The following NSUN2 variants were observed in gnomAD, a reference collection of about 807,000 sequenced individuals.
NSUN2 encodes the protein NOP2/Sun RNA methyltransferase 2, also known as RNA cytosine C(5)-methyltransferase NSUN2.
NSUN2 carries 63 observed loss-of-function variants against 92.7 expected under a neutral mutation model. The observed-to-expected ratio is 0.68, with a 90% CI of 0.56 to 0.84. NSUN2 has a LOEUF of 0.84. Among genes scored for constraint, NSUN2 ranks in the 40% least tolerant of loss-of-function variants. NSUN2 has a pLI of 0.00. For missense variants in NSUN2, 989 were observed against 964.9 expected (o/e 1.02, Z -0.33); for synonymous variants, 356 against 348.3 (o/e 1.02, Z -0.25).
At chr5:6,605,031 C>A (rs907500778) in intron 15 of NSUN2, 2 of 603,846 alleles carry the variant, frequency 3.3e-6, no homozygotes, top group African/African-American at 1.9e-5. Flanking sequence ...CCATGGCTCA[C>A]CCCCCTGCGG....
chr5:6,614,146 G>C (rs1216796368), intron 9 of NSUN2, among the ~76,000 whole-genome samples: 1 of 104,522 alleles, frequency 9.6e-6, no homozygotes, highest in Non-Finnish European at 1.9e-5. Flanking sequence ...CATATAGACA[G>C]ACATAAAGCC....
At position 6,604,354 on chromosome 5, in the gene NSUN2, T is replaced by A. The variant is rs1440824705; in HGVS notation, c.1819-78A>T. ...GACAACAGCCTGCTCTCAGGGGCTA[T>A]GCTCTTAGCGGCTATGGTGGTCGAG... On this transcript the variant is annotated intron_variant, in intron 16 of 18. Coordinates refer to ENST00000264670, the MANE Select transcript of NSUN2 (RefSeq NM_017755.6). 11 of 1,330,872 alleles carry A rather than the reference T, an allele frequency of 8.3e-6. No homozygotes were observed. In the East Asian group the frequency reaches 2.5e-4, roughly 31 times the overall value. 82.4% of individuals were successfully genotyped at this position (1,330,872 alleles called of 1,614,324 possible).
At chr5:6,620,022 A>G (rs1737371308) in intron 7 of NSUN2, 84 bp downstream of exon 7, 2 of 1,181,662 alleles carry the variant, frequency 1.7e-6, no homozygotes, top group Non-Finnish European at 2.4e-6. Flanking sequence ...CAATTGTGTC[A>G]TATTCATGCA....
intron 12 of NSUN2, 115 bp downstream of exon 12, chr5:6,609,711 G>T: frequency 2.6e-6 from 2 of 781,884 alleles, no homozygotes; most frequent in Non-Finnish European, 4.2e-6. Context: ...CAGCTCTCCT[G>T]CTGCCCACAG....
At chr5:6,631,318 T>C (rs1363689037) in intron 3 of NSUN2, among the ~76,000 whole-genome samples, 1 of 152,096 alleles carries the variant, frequency 6.6e-6, no homozygotes, top group African/African-American at 2.4e-5. Context: ...GAGGAATAGG[T>C]AACCCAGAAG....
chr5:6,619,515 T>TA (rs1368218213), intron 7 of NSUN2, among the ~76,000 whole-genome samples: 1 of 152,200 alleles, frequency 6.6e-6, no homozygotes. Context: ...TCTTTCCTTT[T>TA]AAAAAAACTT....
intron 12 of NSUN2, 69 bp downstream of exon 12, chr5:6,609,757 C>T: frequency 7.9e-7 from 1 of 1,261,864 alleles, no homozygotes; most frequent in East Asian, 2.3e-5. Flanking sequence ...TTCTACTAAA[C>T]TCCGGTTAGT....
At chr5:6,617,553 C>T (rs1357203957) in intron 8 of NSUN2, among the ~76,000 whole-genome samples, 1 of 152,024 alleles carries the variant, frequency 6.6e-6, no homozygotes, top group Non-Finnish European at 1.5e-5. Context: ...TGAATAGTTC[C>T]CCATCATAAA....
chr5:6,604,177 T>C lies in NSUN2; in HGVS notation c.1918A>G (p.Lys640Glu), dbSNP rs1477395522. 1.2e-6 allele frequency: 2 copies of C among 1,614,076 alleles called. No homozygotes were observed. Among genetic ancestry groups the C allele is most frequent in the Middle Eastern group, 1.6e-4 (1 of 6,062 alleles). The part of the protein sequence containing the change: ...LLTQENPFFR[K>E]LSSETYSQAK... The stretch of plus-strand genomic sequence containing the variant: ...TGACTGTAGGTCTCACTGCTGAGTT[T>C]TCTAAAAAAGGGATTTTCCTGGGTC... Residue 640 changes from lysine (K) to glutamate (E), a missense_variant, in exon 17 of 19, where the codon AAA becomes GAA. Around this residue, in one of 3 missense-constraint regions of NSUN2, gnomAD observed 626 missense variants for 602.3 expected, o/e 1.04. Coordinates refer to ENST00000264670, the MANE Select transcript of NSUN2 (RefSeq NM_017755.6).
chr5:6,623,332 A>C, intron 4 of NSUN2, 47 bp from the exon 5 acceptor site: 5 of 1,512,246 alleles, frequency 3.3e-6, no homozygotes, highest in Non-Finnish European at 4.5e-6. Context: ...AAAAAAAAAA[A>C]CCGCAGACAA....
intron 18 of NSUN2, among the ~76,000 whole-genome samples, chr5:6,601,586 C>A (rs112779606): frequency 0.049 from 6,978 of 142,586 alleles, 213 homozygotes; most frequent in East Asian, 0.2. Context: ...GGCCTCCCTG[C>A]CAACCTCTTA....
chr5:6,623,468 G>T (rs1462689359), intron 4 of NSUN2, among the ~76,000 whole-genome samples, 183 bp from the exon 5 acceptor site: 1 of 152,070 alleles, frequency 6.6e-6, no homozygotes, highest in African/African-American at 2.4e-5. Context: ...CGGACAAATG[G>T]TTGCTATACC....
intron 15 of NSUN2, 177 bp downstream of exon 15, chr5:6,605,096 A>T (rs1468235564): frequency 6.0e-6 from 5 of 827,738 alleles, no homozygotes; most frequent in Non-Finnish European, 9.6e-6. Context: ...GGCAGGAACC[A>T]TTCAGCCCTG....
chr5:6,631,765 A>G, intron 3 of NSUN2, 108 bp downstream of exon 3: 1 of 792,000 alleles, frequency 1.3e-6, no homozygotes, highest in South Asian at 1.7e-5. Flanking sequence ...ATGTTTGCAA[A>G]GTATACCCAA....
At chr5:6,619,587 T>G (rs144114048) in intron 7 of NSUN2, among the ~76,000 whole-genome samples, 1 of 152,266 alleles carries the variant, frequency 6.6e-6, no homozygotes, top group Non-Finnish European at 1.5e-5. Context: ...AAAATGTTGA[T>G]GTATTATCTC....
chr5:6,607,283 T>C lies in NSUN2; in HGVS notation c.1425A>G (p.Ser475=), dbSNP rs937806875. ...PTDPSKLESP[S]FTGTGDTEIA... is the part of the protein sequence containing the mutation. ...TTTCTGTGTCACCAGTTCCTGTGAA[T>C]GACGGACTTTCCAGCTTAGAGGGAT... is the stretch of plus-strand genomic sequence containing the variant. The change falls in exon 13 of 19, where the codon TCA becomes TCG. Residue 475 remains serine (S), a synonymous_variant. Coordinates refer to ENST00000264670, the MANE Select transcript of NSUN2 (RefSeq NM_017755.6). 2 of 1,614,230 alleles carry C rather than the reference T, an allele frequency of 1.2e-6. No individual in the cohort carries two copies. The highest frequency in any genetic ancestry group is 1.7e-6 in the Non-Finnish European group (2 of 1,180,028).
At chr5:6,616,300 A>G (rs1737210325) in intron 9 of NSUN2, among the ~76,000 whole-genome samples, 1 of 152,236 alleles carries the variant, frequency 6.6e-6, no homozygotes, top group South Asian at 2.1e-4. Context: ...GTTTATATAA[A>G]CAACAGAATA....
intron 9 of NSUN2, among the ~76,000 whole-genome samples, chr5:6,613,233 T>C (rs1737074544): frequency 6.6e-6 from 1 of 152,162 alleles, no homozygotes. Context: ...TATTGGAATG[T>C]TAGGTGAAAA....
chr5:6,615,994 A>G (rs919541559), intron 9 of NSUN2, among the ~76,000 whole-genome samples: 4 of 152,260 alleles, frequency 2.6e-5, no homozygotes, highest in Non-Finnish European at 5.9e-5. Flanking sequence ...GCCCCAGATA[A>G]TAAGTGTCCC....
Sources: gnomAD v4.1 joint callset for allele counts (sites outside exome capture counted in the v4.1 genomes callset) on GRCh38, gnomAD v4.1.1 for gene constraint, gnomAD v4.1.1 regional missense constraint, MANE v1.5 for transcripts, NCBI Gene and HGNC (gene_info 2026-07-23, HGNC 2026-07-21) for gene names.